OSBPL9: variants seen among roughly 807,000 people sequenced by gnomAD.
OSBPL9 encodes the protein oxysterol-binding protein-related protein 9.
A neutral mutation model predicts 106.6 loss-of-function variants in OSBPL9; 40 were observed. That is an observed-to-expected ratio of 0.38 (90% confidence interval 0.29 to 0.49). OSBPL9 has a LOEUF of 0.49. OSBPL9 is among the 20% of genes least tolerant of loss of function. OSBPL9 has a pLI of 0.97. For synonymous variants in OSBPL9, 269 were observed against 295.4 expected (o/e 0.91, Z 0.92); for missense variants, 609 against 887.2 (o/e 0.69, Z 3.98).
intron 3 of OSBPL9, among the ~76,000 whole-genome samples, chr1:51,677,117 C>T (rs1230267748): frequency 3.3e-5 from 5 of 152,130 alleles, no homozygotes; most frequent in South Asian, 2.1e-4. Flanking sequence ...GTGTGGTTCT[C>T]GAATAGAGGG....
At chr1:51,754,650 T>C (rs958887419) in intron 8 of OSBPL9, among the ~76,000 whole-genome samples, 1 of 152,228 alleles carries the variant, frequency 6.6e-6, no homozygotes, top group African/African-American at 2.4e-5. Flanking sequence ...AATTTTCTTA[T>C]AACATTTCGA....
chr1:51,617,132 C>A lies in OSBPL9; in HGVS notation c.22C>A (p.Pro8Thr). The change falls in exon 1 of 24, where the codon CCG becomes ACG. Residue 8 changes from proline (P) to threonine (T), a missense_variant. This residue lies in a region of OSBPL9 where 30 missense variants were observed against 21.8 expected (regional missense o/e 1.37). Coordinates refer to ENST00000428468, the MANE Select transcript of OSBPL9 (RefSeq NM_024586.6). MASIMEG[P>T]LSKWTNVMKG... ...CAAGATGGCGTCCATCATGGAAGGG[C>A]CGCTGAGCAAATGGACTAACGTGAT... 6.2e-7 allele frequency: 1 copy of A among 1,612,144 alleles called. No individual in the cohort carries two copies. The highest frequency in any genetic ancestry group is 8.5e-7 in the Non-Finnish European group (1 of 1,179,204).
At chr1:51,603,720 C>T (rs1401228946) in intron 2 of OSBPL9, among the ~76,000 whole-genome samples, 3 of 152,106 alleles carry the variant, frequency 2.0e-5, no homozygotes, top group African/African-American at 2.4e-5. Flanking sequence ...ACATTTCAGC[C>T]GGGGTCTTCT....
chr1:51,584,558 T>C (rs1645237184), intron 1 of OSBPL9, among the ~76,000 whole-genome samples: 1 of 151,720 alleles, frequency 6.6e-6, no homozygotes, highest in South Asian at 2.1e-4. Context: ...CTACTAAAAA[T>C]ACAAAAAATT....
At chr1:51,618,755 T>C (rs1306533613) in intron 1 of OSBPL9, among the ~76,000 whole-genome samples, 1 of 152,232 alleles carries the variant, frequency 6.6e-6, no homozygotes, top group African/African-American at 2.4e-5. Flanking sequence ...ATTATCTCCA[T>C]TTAATATCCC....
intron 3 of OSBPL9, among the ~76,000 whole-genome samples, chr1:51,713,373 C>G (rs1212985482): frequency 1.3e-5 from 2 of 152,058 alleles, no homozygotes; most frequent in African/African-American, 4.8e-5. Context: ...TGGTCTTGAA[C>G]TCTTGACCTC....
At chr1:51,743,976 T>G (rs1667455971) in intron 4 of OSBPL9, among the ~76,000 whole-genome samples, 1 of 152,198 alleles carries the variant, frequency 6.6e-6, no homozygotes, top group Non-Finnish European at 1.5e-5. Context: ...TTAAGATTTT[T>G]TTTTTCAACT....
chr1:51,576,525 G>GTTT (rs999057430), upstream of OSBPL9, among the ~76,000 whole-genome samples: 61 of 151,858 alleles, frequency 4.0e-4, no homozygotes, highest in African/African-American at 1.3e-3. Context: ...GTTTTTTTGG[G>GTTT]TTTTTTTGTT....
intron 1 of OSBPL9, among the ~76,000 whole-genome samples, chr1:51,595,608 G>A (rs1308037136): frequency 6.6e-6 from 1 of 152,162 alleles, no homozygotes; most frequent in East Asian, 1.9e-4. Context: ...GGCCAGAGAA[G>A]CGAAAGACTT....
the OSBPL9 span, chr1:51,567,976 T>C: frequency 6.6e-6 from 1 of 152,332 alleles, no homozygotes; most frequent in South Asian, 2.1e-4. Context: ...CACAATCAAA[T>C]TTGGGATTAT....
chr1:51,707,271 G>A (rs1262868373), intron 3 of OSBPL9: 4 of 227,912 alleles, frequency 1.8e-5, no homozygotes, highest in Non-Finnish European at 2.8e-5. Flanking sequence ...ATGGAAGGTG[G>A]AAGAGTGGTT....
upstream of OSBPL9, among the ~76,000 whole-genome samples, chr1:51,616,027 T>TTGTGTG (rs1553150114): frequency 5.4e-5 from 8 of 147,418 alleles, no homozygotes; most frequent in African/African-American, 2.0e-4. Flanking sequence ...TTTTTTTTTT[T>TTGTGTG]TGTGTGAGAG....
chr1:51,519,152 A>AG, the OSBPL9 span: 1 of 1,351,620 alleles, frequency 7.4e-7, no homozygotes, highest in African/African-American at 1.5e-5. Flanking sequence ...GCGGTGGGGG[A>AG]GGGGGCACCG....
intron 1 of OSBPL9, among the ~76,000 whole-genome samples, chr1:51,628,684 CTT>C (rs909175159): frequency 6.0e-5 from 8 of 134,446 alleles, no homozygotes; most frequent in African/African-American, 5.5e-5. Flanking sequence ...TTCTTTTTTT[CTT>C]TTTTTTTTTT....
chr1:51,762,940 G>A (rs977509873), intron 11 of OSBPL9, among the ~76,000 whole-genome samples: 1 of 152,018 alleles, frequency 6.6e-6, no homozygotes, highest in African/African-American at 2.4e-5. Context: ...TCACCTTTTT[G>A]CCAGTTTTAT....
chr1:51,640,349 G>A (rs1005433892), intron 1 of OSBPL9, among the ~76,000 whole-genome samples: 10 of 152,196 alleles, frequency 6.6e-5, no homozygotes, highest in African/African-American at 2.2e-4. Flanking sequence ...GATGTTTTTA[G>A]TACTTAGTAT....
At chr1:51,591,875 T>A (rs1001718172) in intron 1 of OSBPL9, among the ~76,000 whole-genome samples, 2 of 151,990 alleles carry the variant, frequency 1.3e-5, no homozygotes, top group African/African-American at 4.8e-5. Context: ...ATAGAACAAG[T>A]CAGTGCCTAA....
chr1:51,584,561 A>G (rs1019457874), intron 1 of OSBPL9, among the ~76,000 whole-genome samples: 3 of 150,536 alleles, frequency 2.0e-5, no homozygotes, highest in South Asian at 2.1e-4. Flanking sequence ...CTAAAAATAC[A>G]AAAAATTAGC....
At chr1:51,531,139 G>A in the OSBPL9 span, among the ~76,000 whole-genome samples, 1 of 144,362 alleles carries the variant, frequency 6.9e-6, no homozygotes, top group South Asian at 2.2e-4. Context: ...AGCTGAGTGT[G>A]GTGGTGCATG....
Sources: gnomAD v4.1 joint callset for allele counts (sites outside exome capture counted in the v4.1 genomes callset) on GRCh38, gnomAD v4.1.1 for gene constraint, gnomAD v4.1.1 regional missense constraint, MANE v1.5 for transcripts, NCBI Gene and HGNC (gene_info 2026-07-23, HGNC 2026-07-21) for gene names.